XRN1: variants seen among roughly 807,000 people sequenced by gnomAD.
The protein encoded by XRN1 is 5'-3' exoribonuclease 1.
Under a neutral mutation model 222.3 loss-of-function variants are expected in XRN1, and 67 were observed. That is an observed-to-expected ratio of 0.30 (90% CI 0.25 to 0.37). The LOEUF (loss-of-function observed/expected upper bound fraction) is 0.37, where lower values mean the gene tolerates loss of function less well. Ranked by LOEUF, XRN1 falls within the 10% of genes least tolerant of loss-of-function variation. XRN1 has a pLI of 1.00. For synonymous variants in XRN1, 643 were observed against 652.4 expected, an observed-to-expected ratio of 0.99 and a Z score of 0.22; for missense variants, 1,707 against 2,000.2, an observed-to-expected ratio of 0.85 and a Z score of 2.80.
In XRN1 at chr3:142,334,684, T is replaced by C. The variant is rs529183187; in HGVS notation, c.3939+764A>G. ...CCATATATATGTCTATGTGTATATATATAAGACCATATATATATGTCTATG... is the reference window on the plus strand; with the variant it reads ...CCATATATATGTCTATGTGTATATACATAAGACCATATATATATGTCTATG... On this transcript the variant is annotated intron_variant, in intron 34 of 40. Transcript: ENST00000392981. Among the ~76,000 whole-genome samples, 40 of 126,366 alleles carry C rather than the reference T, an allele frequency of 3.2e-4. 1 individual carries two copies. In the South Asian group the frequency reaches 8.4e-3, roughly 26 times the overall value. 82.9% of individuals were successfully genotyped at this position (126,366 alleles called of 152,430 possible).
intron 2 of XRN1, 122 bp downstream of exon 2, chr3:142,432,539 T>A (rs1466499657): frequency 2.1e-6 from 2 of 930,712 alleles, no homozygotes; most frequent in Non-Finnish European, 3.1e-6. Flanking sequence ...ATATTTCCAT[T>A]TCTGGGGGAG....
intron 8 of XRN1, 133 bp from the exon 9 acceptor site, chr3:142,421,676 T>C (rs192829343): frequency 5.7e-6 from 3 of 522,246 alleles, no homozygotes; most frequent in East Asian, 3.4e-5. Flanking sequence ...TGTTGGACTA[T>C]ATCCAAACTG....
At chr3:142,423,384 G>T (rs1285892100) in intron 6 of XRN1, among the ~76,000 whole-genome samples, 176 bp downstream of exon 6, 1 of 152,014 alleles carries the variant, frequency 6.6e-6, no homozygotes, top group Admixed American at 6.6e-5. Context: ...AAAAAAAGAA[G>T]AATAAATGAG....
intron 1 of XRN1, among the ~76,000 whole-genome samples, chr3:142,444,839 A>T (rs1034606394): frequency 1.1e-5 from 1 of 93,062 alleles, no homozygotes; most frequent in Non-Finnish European, 2.4e-5. Flanking sequence ...TATGTTTCAT[A>T]AAAAAAAATA....
chr3:142,317,826 C>T (rs2065250218), intron 39 of XRN1, among the ~76,000 whole-genome samples: 1 of 152,208 alleles, frequency 6.6e-6, no homozygotes, highest in Non-Finnish European at 1.5e-5. Flanking sequence ...CTTCTACAGG[C>T]ACTTTAGCTT....
chr3:142,372,861 G>A (rs1382199613), intron 25 of XRN1, among the ~76,000 whole-genome samples: 9 of 152,136 alleles, frequency 5.9e-5, no homozygotes, highest in East Asian at 1.9e-4. Context: ...CCACCTCTCC[G>A]GGAAAGAAAA....
intron 27 of XRN1, 133 bp downstream of exon 27, chr3:142,370,352 C>T (rs1480521197): frequency 1.7e-6 from 2 of 1,153,912 alleles, no homozygotes; most frequent in South Asian, 1.9e-5. Context: ...TTTTAAATTA[C>T]AGGATTATTT....
At chr3:142,388,882 C>T (rs2067607917) in intron 20 of XRN1, among the ~76,000 whole-genome samples, 1 of 152,182 alleles carries the variant, frequency 6.6e-6, no homozygotes, top group Admixed American at 6.5e-5. Flanking sequence ...TAGATTCCAT[C>T]TCAAGAAACC....
intron 20 of XRN1, among the ~76,000 whole-genome samples, chr3:142,385,602 C>T (rs1051820509): frequency 6.6e-6 from 1 of 152,148 alleles, no homozygotes; most frequent in African/African-American, 2.4e-5. Flanking sequence ...TTGTGACAGA[C>T]ATTGTAAAGT....
intron 32 of XRN1, among the ~76,000 whole-genome samples, chr3:142,353,412 G>A (rs1394690725): frequency 6.6e-6 from 1 of 152,068 alleles, no homozygotes; most frequent in Non-Finnish European, 1.5e-5. Flanking sequence ...CTGACTTCAC[G>A]TTATACTGTA....
intron 29 of XRN1, among the ~76,000 whole-genome samples, chr3:142,360,413 C>T (rs1434278549): frequency 6.6e-6 from 1 of 152,188 alleles, no homozygotes; most frequent in Non-Finnish European, 1.5e-5. Context: ...AATTTATCCA[C>T]TCTCCTGCCA....
At chr3:142,361,435 C>T (rs1280694142) in intron 29 of XRN1, among the ~76,000 whole-genome samples, 1 of 152,142 alleles carries the variant, frequency 6.6e-6, no homozygotes, top group Non-Finnish European at 1.5e-5. Context: ...GGGCCCTATG[C>T]TATGATGTAT....
At chr3:142,366,791 A>G (rs1577304036) in intron 27 of XRN1, among the ~76,000 whole-genome samples, 1 of 152,210 alleles carries the variant, frequency 6.6e-6, no homozygotes, top group East Asian at 1.9e-4. Context: ...GGGGTATTGC[A>G]CATCAAAAAA....
Position 142,328,767 on chromosome 3 carries a change from A to G in XRN1, c.4404+667T>C, listed in dbSNP as rs1428738291. On this transcript the variant is annotated intron_variant, in intron 37 of 40. Transcript: ENST00000392981. ...TATATATATATATATATATATATAT[A>G]TATGTTTCAGAGACAAGGTCTTGCT... 3.1e-5 allele frequency among the ~76,000 whole-genome samples: 2 copies of G among 63,854 alleles called. 1 individual carries two copies. Among genetic ancestry groups the G allele is most frequent in the Non-Finnish European group, 6.1e-5 (2 of 32,962 alleles). The allele number at this position is 63,854 out of a possible 152,430, so 41.9% of individuals were successfully genotyped here.
chr3:142,408,931 A>G (rs1348267233), intron 15 of XRN1, among the ~76,000 whole-genome samples: 3 of 152,180 alleles, frequency 2.0e-5, no homozygotes, highest in Non-Finnish European at 4.4e-5. Flanking sequence ...CTTTTAATTT[A>G]CATTTACCTG....
intron 37 of XRN1, among the ~76,000 whole-genome samples, chr3:142,328,822 A>AATCGTGGCTCACTGAAGTCCTGAC (rs750890014): frequency 1.9e-3 from 269 of 138,626 alleles, no homozygotes; most frequent in Middle Eastern, 3.8e-3. Flanking sequence ...GCAATGGCAT[A>AATCGTGGCTCACTGAAGTCCTGAC]ATCGTGGCTC....
At chr3:142,355,612 C>CTTT in intron 31 of XRN1, 116 bp from the exon 32 acceptor site, 1 of 585,326 alleles carries the variant, frequency 1.7e-6, no homozygotes, top group Non-Finnish European at 2.7e-6. Context: ...GATATTAAAC[C>CTTT]TTTTTTTTTT....
chr3:142,403,584 A>G (rs1318568567), intron 18 of XRN1, 90 bp downstream of exon 18: 2 of 1,196,008 alleles, frequency 1.7e-6, no homozygotes, highest in East Asian at 4.7e-5. Flanking sequence ...TAGAGTTACA[A>G]CATATAATAC....
chr3:142,367,216 G>A (rs1170510221), intron 27 of XRN1, among the ~76,000 whole-genome samples: 1 of 152,082 alleles, frequency 6.6e-6, no homozygotes, highest in Non-Finnish European at 1.5e-5. Flanking sequence ...GAACACAGGA[G>A]GCAGAGGTTG....
Sources: gnomAD v4.1 joint callset for allele counts (sites outside exome capture counted in the v4.1 genomes callset) on GRCh38, gnomAD v4.1.1 for gene constraint, MANE v1.5 for transcripts, NCBI Gene and HGNC (gene_info 2026-07-23, HGNC 2026-07-21) for gene names.